Variants in CDH6 observed in about 807,000 individuals in gnomAD.
CDH6 encodes cadherin 6, also known as cadherin-6.
CDH6 carries 31 observed loss-of-function variants against 78.0 expected under a neutral mutation model. That is an observed-to-expected ratio of 0.40 (90% CI 0.30 to 0.54). The LOEUF (loss-of-function observed/expected upper bound fraction) is 0.54. CDH6 is among the 20% of genes least tolerant of loss of function. The pLI, the probability that CDH6 is intolerant of heterozygous loss-of-function variation, is 0.56. For synonymous variants in CDH6, 376 were observed against 368.8 expected, an observed-to-expected ratio of 1.02 and a Z score of -0.23; for missense variants, 724 against 975.9, an observed-to-expected ratio of 0.74 and a Z score of 3.44.
Position 31,313,399 on chromosome 5 carries a change from T to G in CDH6, c.1335T>G (p.Leu445=). 6.2e-7 allele frequency: 1 copy of G among 1,614,052 alleles called. No homozygotes were observed. Among genetic ancestry groups the G allele is most frequent in the African/African-American group, 1.3e-5 (1 of 75,052 alleles). ...SGNGSIFTSK[L]LDRETLLWHN... Reference sequence around the variant, plus strand: ...ATGGTTCGATTTTTACATCGAAACTTCTTGACCGAGAAACACTGCTATGGC... The same window carrying G: ...ATGGTTCGATTTTTACATCGAAACTGCTTGACCGAGAAACACTGCTATGGC... The change falls in exon 8 of 12, where the codon CTT becomes CTG. Residue 445 remains leucine, a synonymous_variant. Coordinates refer to ENST00000265071, the MANE Select transcript of CDH6 (RefSeq NM_004932.4).
chr5:31,284,779 G>C (rs558244227), intron 2 of CDH6, among the ~76,000 whole-genome samples: 2 of 152,342 alleles, frequency 1.3e-5, no homozygotes, highest in East Asian at 3.9e-4. Flanking sequence ...TAATACATAA[G>C]AGATATTCTC....
chr5:31,310,256 C>A lies in CDH6; in HGVS notation c.1254-3062C>A, dbSNP rs139983792. On this transcript the variant is annotated intron_variant, in intron 7 of 11. Coordinates refer to ENST00000265071, the MANE Select transcript of CDH6 (RefSeq NM_004932.4). Reference sequence around the variant, plus strand: ...CATGCAAGACTGAAATCCAGCAGCGCAGTCGTTAAATCCTAAGGTTCCAAA... The same window carrying A: ...CATGCAAGACTGAAATCCAGCAGCGAAGTCGTTAAATCCTAAGGTTCCAAA... Among the ~76,000 whole-genome samples, 472 of 152,178 alleles carry A rather than the reference C, an allele frequency of 3.1e-3. 5 individuals carry two copies. Among genetic ancestry groups the A allele is most frequent in the African/African-American group, 0.011 (446 of 41,540 alleles).
In CDH6 at chr5:31,316,067, C is replaced by T. The variant is rs567516221; in HGVS notation, c.1391-141C>T. ...AATCTAATTGTACTTTTTGTGACCA[C>T]ACTGGTACTTAATGCCCAGTAGTAC... On this transcript the variant is annotated intron_variant, in intron 8 of 11. Coordinates refer to ENST00000265071, the MANE Select transcript of CDH6 (RefSeq NM_004932.4). The T allele has an allele frequency of 7.4e-6, 6 of 813,692 alleles. 1 individual carries two copies. The South Asian group carries it at 1.4e-4, about 19-fold the overall frequency. The allele number at this position is 813,692 out of a possible 1,614,324, so 50.4% of individuals were successfully genotyped here.
intron 7 of CDH6, among the ~76,000 whole-genome samples, chr5:31,308,594 A>AGGCTTGT (rs535236055): frequency 9.1e-4 from 139 of 152,242 alleles, no homozygotes; most frequent in African/African-American, 3.2e-3. Context: ...CAAACAAGCA[A>AGGCTTGT]GGCTTGTGTA....
At chr5:31,306,406 C>T (rs952828962) in intron 7 of CDH6, among the ~76,000 whole-genome samples, 1 of 152,090 alleles carries the variant, frequency 6.6e-6, no homozygotes, top group African/African-American at 2.4e-5. Context: ...TCAGTATTCT[C>T]GGATCTTAAC....
intron 2 of CDH6, among the ~76,000 whole-genome samples, chr5:31,268,848 C>T (rs1478383699): frequency 3.3e-5 from 5 of 152,172 alleles, no homozygotes; most frequent in African/African-American, 7.2e-5. Context: ...AAGCCATCCA[C>T]GGCTTGGGCT....
chr5:31,306,054 T>G (rs1422306581), intron 7 of CDH6, among the ~76,000 whole-genome samples: 6 of 152,318 alleles, frequency 3.9e-5, no homozygotes, highest in African/African-American at 1.4e-4. Context: ...ATTTGAGATT[T>G]TTTTAAGTGT....
chr5:31,234,024 T>C (rs1448282597), intron 1 of CDH6, among the ~76,000 whole-genome samples: 1 of 147,964 alleles, frequency 6.8e-6, no homozygotes, highest in Non-Finnish European at 1.5e-5. Flanking sequence ...AATGAAAAAT[T>C]GTGATAATAG....
At chr5:31,216,028 A>C (rs1740852865) in intron 1 of CDH6, among the ~76,000 whole-genome samples, 1 of 152,130 alleles carries the variant, frequency 6.6e-6, no homozygotes, top group Non-Finnish European at 1.5e-5. Context: ...GCAAAAGTAT[A>C]AAGGGGTCTT....
At chr5:31,281,791 C>A (rs1333346450) in intron 2 of CDH6, among the ~76,000 whole-genome samples, 1 of 152,074 alleles carries the variant, frequency 6.6e-6, no homozygotes, top group African/African-American at 2.4e-5. Context: ...TGTTTATAAT[C>A]AGTGTGGGGA....
At chr5:31,218,040 T>C (rs1051270912) in intron 1 of CDH6, among the ~76,000 whole-genome samples, 11 of 152,184 alleles carry the variant, frequency 7.2e-5, no homozygotes, top group Admixed American at 6.5e-4. Flanking sequence ...GTCTATTAAG[T>C]TAATTTTAAT....
chr5:31,259,823 C>A (rs1348730138), intron 1 of CDH6, among the ~76,000 whole-genome samples: 1 of 152,168 alleles, frequency 6.6e-6, no homozygotes, highest in African/African-American at 2.4e-5. Flanking sequence ...TAGGAAAACC[C>A]CAGTGGAAGG....
chr5:31,244,382 C>T (rs1194404092), intron 1 of CDH6, among the ~76,000 whole-genome samples: 3 of 152,092 alleles, frequency 2.0e-5, no homozygotes, highest in Non-Finnish European at 4.4e-5. Flanking sequence ...TTGCAGACTC[C>T]CCACCCACCT....
At chr5:31,320,363 C>G (rs546032889) in intron 11 of CDH6, among the ~76,000 whole-genome samples, 1 of 152,104 alleles carries the variant, frequency 6.6e-6, no homozygotes, top group Admixed American at 6.6e-5. Flanking sequence ...CGCTTTCAGA[C>G]GTGCATAAGA....
At chr5:31,305,070 G>A (rs1027063033) in intron 6 of CDH6, 104 bp from the exon 7 acceptor site, 22 of 1,091,126 alleles carry the variant, frequency 2.0e-5, no homozygotes, top group East Asian at 7.1e-5. Context: ...CAATATGATC[G>A]CATTCATTTA....
intron 2 of CDH6, among the ~76,000 whole-genome samples, chr5:31,275,092 A>AT (rs899612842): frequency 2.0e-5 from 3 of 152,118 alleles, no homozygotes; most frequent in African/African-American, 4.8e-5. Context: ...AGAGTTCTTC[A>AT]TTTTTTTGTC....
At chr5:31,317,957 A>G in intron 11 of CDH6, 33 bp downstream of exon 11, 1 of 1,605,464 alleles carries the variant, frequency 6.2e-7, no homozygotes, top group Non-Finnish European at 8.5e-7. Context: ...CTATCTCCCC[A>G]TGGTGAGGGG....
chr5:31,203,174 C>T (rs1175829548), intron 1 of CDH6, among the ~76,000 whole-genome samples: 1 of 150,904 alleles, frequency 6.6e-6, no homozygotes, highest in East Asian at 1.9e-4. Context: ...CATTTTCCCT[C>T]TCTGATTTAC....
chr5:31,323,228 G>A lies in CDH6; in HGVS notation c.2293G>A (p.Asp765Asn). The A allele has an allele frequency of 6.2e-7, 1 of 1,614,188 alleles. No individual in the cohort carries two copies. Among genetic ancestry groups the A allele is most frequent in the Non-Finnish European group, 8.5e-7 (1 of 1,180,026 alleles). Residue 765 changes from aspartate to asparagine, a missense_variant, in exon 12 of 12, where the codon GAT becomes AAT. This residue lies in a region of CDH6 where 220 missense variants were observed against 240.6 expected (regional missense o/e 0.91). Coordinates refer to ENST00000265071, the MANE Select transcript of CDH6 (RefSeq NM_004932.4). ...GACCACGGATGCAGATCAAGACTAT[G>A]ATTACCTTAGTGACTGGGGACCTCG... ...SVTTDADQDY[D>N]YLSDWGPRFK... is the part of the protein sequence containing the mutation.
Sources: allele counts gnomAD v4.1 joint callset (sites outside exome capture counted in the v4.1 genomes callset), GRCh38; gene constraint gnomAD v4.1.1; regional missense constraint gnomAD v4.1.1; transcripts MANE v1.5; gene names NCBI Gene and HGNC (gene_info 2026-07-23, HGNC 2026-07-21).